The following PROM1 variants were observed in gnomAD, a reference collection of about 807,000 sequenced individuals.
PROM1 encodes prominin 1, also known as prominin-1.
A neutral mutation model predicts 116.9 loss-of-function variants in PROM1; 105 were observed. The ratio of observed to expected loss-of-function variants is 0.90; its 90% CI spans 0.77 to 1.06. The LOEUF (loss-of-function observed/expected upper bound fraction) is 1.06, where lower values mean the gene tolerates loss of function less well. Ranked by LOEUF, PROM1 falls within the 50% of genes least tolerant of loss-of-function variation. The pLI, the probability that PROM1 is intolerant of heterozygous loss-of-function variation, is 0.00. For missense variants in PROM1, 1,122 were observed against 1,045.2 expected (o/e 1.07, Z -1.01); for synonymous variants, 393 against 387.0 (o/e 1.02, Z -0.18).
intron 5 of PROM1, among the ~76,000 whole-genome samples, chr4:16,031,017 A>G (rs6449214): frequency 0.81 from 123,875 of 152,138 alleles, 50,864 homozygotes; most frequent in Non-Finnish European, 0.87. Context: ...CTGCACTCCA[A>G]CCTGGGTGAC....
At chr4:16,029,991 A>G (rs1250697482) in intron 5 of PROM1, among the ~76,000 whole-genome samples, 2 of 151,834 alleles carry the variant, frequency 1.3e-5, no homozygotes, top group Non-Finnish European at 2.9e-5. Flanking sequence ...TCTTATTTTT[A>G]TCTAATCTTC....
At chr4:15,973,908 C>T (rs542035059) in intron 26 of PROM1, among the ~76,000 whole-genome samples, 4 of 152,178 alleles carry the variant, frequency 2.6e-5, no homozygotes, top group East Asian at 1.9e-4. Context: ...CATAGAGGGC[C>T]GATGTGGGGA....
intron 5 of PROM1, among the ~76,000 whole-genome samples, chr4:16,032,714 C>T (rs951227575): frequency 1.1e-4 from 16 of 152,304 alleles, no homozygotes; most frequent in Non-Finnish European, 2.2e-4. Context: ...TGCCAGTCAA[C>T]TGGAAAACTT....
intron 6 of PROM1, 66 bp downstream of exon 6, chr4:16,025,126 A>G (rs952817975): frequency 1.3e-6 from 2 of 1,528,346 alleles, no homozygotes; most frequent in African/African-American, 1.4e-5. Context: ...GATTCCAAAT[A>G]TACACAGGAA....
At chr4:16,039,324 T>G (rs1213544251) in intron 2 of PROM1, among the ~76,000 whole-genome samples, 1 of 152,204 alleles carries the variant, frequency 6.6e-6, no homozygotes, top group Non-Finnish European at 1.5e-5. Context: ...TTTATAAAAA[T>G]TTTGCTGAAA....
At chr4:16,013,420 C>T (rs763822017) in intron 10 of PROM1, 82 bp from the exon 11 acceptor site, 321 of 921,902 alleles carry the variant, frequency 3.5e-4, no homozygotes, top group Non-Finnish European at 5.3e-4. Flanking sequence ...CAACTCAGTA[C>T]GAGTAGAGAG....
intron 26 of PROM1, among the ~76,000 whole-genome samples, chr4:15,977,019 C>T (rs973482636): frequency 2.6e-5 from 4 of 152,208 alleles, no homozygotes; most frequent in South Asian, 2.1e-4. Context: ...CAACTCCCTA[C>T]AGGCCATGCT....
At chr4:16,013,477 T>C (rs1163830821) in intron 10 of PROM1, 139 bp from the exon 11 acceptor site, 6 of 631,730 alleles carry the variant, frequency 9.5e-6, no homozygotes, top group South Asian at 2.0e-5. Flanking sequence ...ATGATCATTA[T>C]ATGGTCATCA....
At chr4:16,067,235 C>T (rs1333880094) in intron 2 of PROM1, among the ~76,000 whole-genome samples, 1 of 152,208 alleles carries the variant, frequency 6.6e-6, no homozygotes, top group African/African-American at 2.4e-5. Flanking sequence ...CTAACCTTGG[C>T]TGGGCCTCTT....
chr4:16,034,843 T>A (rs1005325295), intron 4 of PROM1, among the ~76,000 whole-genome samples: 6 of 152,184 alleles, frequency 3.9e-5, no homozygotes, highest in Non-Finnish European at 7.3e-5. Flanking sequence ...GGCTTCCAGG[T>A]CCCTAAAGTG....
At chr4:15,988,867 T>C (rs1720207587) in intron 19 of PROM1, among the ~76,000 whole-genome samples, 1 of 151,674 alleles carries the variant, frequency 6.6e-6, no homozygotes, top group Admixed American at 6.6e-5. Context: ...AAAAAAAGAG[T>C]ATTGGAAATT....
chr4:16,009,581 A>T (rs4632653), intron 11 of PROM1, among the ~76,000 whole-genome samples: 29,452 of 151,930 alleles, frequency 0.19, 3,185 homozygotes, highest in Non-Finnish European at 0.25. Context: ...GGTGTATCTG[A>T]CTCTAACGTC....
chr4:16,013,429 A>C, intron 10 of PROM1, 91 bp from the exon 11 acceptor site: 1 of 832,188 alleles, frequency 1.2e-6, no homozygotes, highest in Non-Finnish European at 2.1e-6. Flanking sequence ...ACGAGTAGAG[A>C]GGCAAAATAA....
chr4:15,990,256 G>A (rs1424599264), intron 18 of PROM1, among the ~76,000 whole-genome samples: 1 of 152,230 alleles, frequency 6.6e-6, no homozygotes, highest in Non-Finnish European at 1.5e-5. Context: ...GCAGAAGGGA[G>A]AAATAACTTG....
intron 2 of PROM1, among the ~76,000 whole-genome samples, chr4:16,044,525 T>C (rs1018610410): frequency 6.6e-6 from 1 of 152,206 alleles, no homozygotes; most frequent in Non-Finnish European, 1.5e-5. Context: ...GGTGGCCCCA[T>C]CTTAAACACA....
Position 16,075,754 on chromosome 4 carries a change from G to T in PROM1, c.153C>A (p.Pro51=), listed in dbSNP as rs748632869. 6.2e-7 allele frequency: 1 copy of T among 1,613,786 alleles called. No individual in the cohort carries two copies. Among genetic ancestry groups the T allele is most frequent in the Non-Finnish European group, 8.5e-7 (1 of 1,179,836 alleles). Residue 51 remains proline (P), a synonymous_variant, in exon 2 of 28, where the codon CCC becomes CCA. Coordinates refer to ENST00000447510, the MANE Select transcript of PROM1 (RefSeq NM_006017.3). ...GCACTAGTTCAAAGAGAATGCCAATGGGTCCAGCTTTATGGGAGTCTTGGG... is the reference window on the plus strand; with the variant it reads ...GCACTAGTTCAAAGAGAATGCCAATTGGTCCAGCTTTATGGGAGTCTTGGG... ...YETQDSHKAG[P]IGILFELVHI...
chr4:16,071,970 G>A (rs1376849375), intron 2 of PROM1, among the ~76,000 whole-genome samples: 1 of 152,130 alleles, frequency 6.6e-6, no homozygotes, highest in Non-Finnish European at 1.5e-5. Context: ...TCAAAGGTAA[G>A]GCACAGCTCT....
intron 24 of PROM1, 119 bp downstream of exon 24, chr4:15,980,303 T>A (rs1451501791): frequency 1.8e-5 from 11 of 610,244 alleles, no homozygotes; most frequent in African/African-American, 8.9e-5. Flanking sequence ...CAACTACTAC[T>A]AAAAAAAAAA....
At position 16,080,993 on chromosome 4, in the gene PROM1, A is replaced by C. The variant is rs1408334725; in HGVS notation, c.-213+2985T>G. Among the ~76,000 whole-genome samples, 5 of 151,954 alleles carry C rather than the reference A, an allele frequency of 3.3e-5. No individual in the cohort carries two copies. In the East Asian group the frequency reaches 9.7e-4, roughly 30 times the overall value. On this transcript the variant is annotated intron_variant, in intron 1 of 27. Transcript: ENST00000447510. ...AGCCAGCCTTGCTGCCACTTACCTA[A>C]GCCACCCAGGGACCATCCTTTCAAG...
Sources: gnomAD v4.1 joint callset for allele counts (sites outside exome capture counted in the v4.1 genomes callset) on GRCh38, gnomAD v4.1.1 for gene constraint, MANE v1.5 for transcripts, NCBI Gene and HGNC (gene_info 2026-07-23, HGNC 2026-07-21) for gene names.